SLX4: variants seen among roughly 807,000 people sequenced by gnomAD.
SLX4 encodes the protein SLX4 structure-specific endonuclease subunit, also known as structure-specific endonuclease subunit SLX4.
SLX4 carries 112 observed loss-of-function variants against 146.2 expected under a neutral mutation model. That is an observed-to-expected ratio of 0.77 (90% CI 0.66 to 0.90). SLX4 has a LOEUF of 0.90. SLX4 is among the 40% of genes least tolerant of loss of function. The pLI, the probability that SLX4 is intolerant of heterozygous loss-of-function variation, is 0.00. For synonymous variants in SLX4, 1,061 were observed against 997.7 expected, an observed-to-expected ratio of 1.06 and a Z score of -1.20; for missense variants, 2,563 against 2,392.7, an observed-to-expected ratio of 1.07 and a Z score of -1.49.
chr16:3,607,330 C>G (rs1286145084), intron 2 of SLX4, among the ~76,000 whole-genome samples: 2 of 152,216 alleles, frequency 1.3e-5, no homozygotes, highest in Non-Finnish European at 2.9e-5. Flanking sequence ...ACCTGAGACT[C>G]TACCACCACT....
rs2040568661 is a variant in SLX4, at chr16:3,590,300, C to T, written c.3338G>A (p.Gly1113Glu). The T allele has an allele frequency of 1.2e-6, 2 of 1,614,056 alleles. No homozygotes were observed. Among genetic ancestry groups the T allele is most frequent in the Non-Finnish European group, 8.5e-7 (1 of 1,180,042 alleles). Reference sequence around the variant, plus strand: ...AGATTTTTCTGGGAACATCAGGACCCCCTTATTTCTGCACTCCAGCACGGA... The same window carrying T: ...AGATTTTTCTGGGAACATCAGGACCTCCTTATTTCTGCACTCCAGCACGGA... Reference protein sequence around the residue: ...RRSVLECRNKGVLMFPEKSPS... With the variant: ...RRSVLECRNKEVLMFPEKSPS... The change falls in exon 12 of 15, where the codon GGG becomes GAG. Residue 1113 changes from glycine (G) to glutamate (E), a missense_variant. Gly to Glu is a moderately conservative substitution (Grantham distance 98, BLOSUM62 -2). Coordinates refer to ENST00000294008, the MANE Select transcript of SLX4 (RefSeq NM_032444.4). This position sits in a 1 kb window ranked among gnomAD's most constrained non-coding sequence, Gnocchi z 4.8.
chr16:3,591,056 T>C lies in SLX4; in HGVS notation c.2582A>G (p.Gln861Arg). The C allele has an allele frequency of 6.2e-7, 1 of 1,614,172 alleles. No homozygotes were observed. Among genetic ancestry groups the C allele is most frequent in the African/African-American group, 1.3e-5 (1 of 75,064 alleles). ...MEEIYEFAAT[Q>R]RKLLQEERAA... The stretch of plus-strand genomic sequence containing the variant: ...CCTTTCTTCCTGGAGAAGCTTTCGC[T>C]GAGTAGCTGCAAATTCATAAATTTC... The change falls in exon 12 of 15, where the codon CAG (glutamine) becomes CGG (arginine). Residue 861 changes from glutamine to arginine, a missense_variant. Coordinates refer to ENST00000294008, the MANE Select transcript of SLX4 (RefSeq NM_032444.4).
chr16:3,594,624 C>T (rs374626870), intron 9 of SLX4, 25 bp from the exon 10 acceptor site: 22 of 1,613,624 alleles, frequency 1.4e-5, no homozygotes, highest in South Asian at 8.8e-5. Context: ...GAGGAAGAGC[C>T]GTCACCTCCC....
Position 3,583,153 on chromosome 16 carries a change from A to G in SLX4, c.5097T>C (p.Ser1699=), listed in dbSNP as rs202099433. The change falls in exon 14 of 15, where the codon TCT becomes TCC. Residue 1699 remains serine (S), a synonymous_variant. Coordinates refer to ENST00000294008, the MANE Select transcript of SLX4 (RefSeq NM_032444.4). ...GLNDDAQIPA[S]QESVATSVDG... is the part of the protein sequence containing the mutation. ...CCACAGAGGTGGCCACGGATTCTTG[A>G]GAGGCTGGGATCTGGGCGTCATCAT... 4.3e-6 allele frequency: 7 copies of G among 1,614,212 alleles called. No individual in the cohort carries two copies. The highest frequency in any genetic ancestry group is 5.9e-6 in the Non-Finnish European group (7 of 1,180,038).
intron 12 of SLX4, among the ~76,000 whole-genome samples, chr16:3,586,451 G>A (rs966188510): frequency 1.4e-4 from 22 of 152,080 alleles, no homozygotes; most frequent in Admixed American, 1.4e-3. Context: ...AGCCTGGGAG[G>A]TCGAGGCTAC....
intron 12 of SLX4, 103 bp from the exon 13 acceptor site, chr16:3,584,974 C>T: frequency 2.2e-6 from 2 of 902,426 alleles, no homozygotes; most frequent in Non-Finnish European, 3.7e-6. Context: ...TTGAAGATAA[C>T]CCAAGCATCG....
Position 3,597,557 on chromosome 16 carries a change from G to T in SLX4, c.1505C>A (p.Pro502Gln). ...CTTTAAAATCCTGCTGGCAGGAAGT[G>T]GTGGCGTGCTAGACAATTCCACTTC... ...SEEVELSSTP[P>Q]LPASRILKEG... The change falls in exon 7 of 15, where the codon CCA (proline) becomes CAA (glutamine). Residue 502 changes from proline to glutamine, a missense_variant. By Grantham distance (76) the Pro-to-Gln change is moderately conservative. Transcript: ENST00000294008. This position sits in a 1 kb window ranked among gnomAD's most constrained non-coding sequence, Gnocchi z 4.4. 6.2e-7 allele frequency: 1 copy of T among 1,614,172 alleles called. No homozygotes were observed. The highest frequency in any genetic ancestry group is 8.5e-7 in the Non-Finnish European group (1 of 1,180,044).
Position 3,592,871 on chromosome 16 carries a change from G to A in SLX4, c.2161-6C>T. On this transcript the variant is annotated splice_polypyrimidine_tract_variant and splice_region_variant and intron_variant, in intron 10 of 14. Coordinates refer to ENST00000294008, the MANE Select transcript of SLX4 (RefSeq NM_032444.4). ...GAGAAGCCTTCATTGTTCACCTGCA[G>A]GTGAAATGCAACACAGAGGGTTTAC... The A allele has an allele frequency of 1.2e-6, 2 of 1,608,700 alleles. No homozygotes were observed. The highest frequency in any genetic ancestry group is 1.1e-5 in the South Asian group (1 of 90,846).
intron 14 of SLX4, 81 bp from the exon 15 acceptor site, chr16:3,582,774 G>C: frequency 2.3e-6 from 3 of 1,276,788 alleles, no homozygotes; most frequent in East Asian, 2.5e-5. Context: ...AAGGAAGGAA[G>C]GTGTCTACGG....
chr16:3,582,420 G>C lies in SLX4; in HGVS notation c.5427C>G (p.Thr1809=), dbSNP rs999815509. 2 of 1,613,916 alleles carry C rather than the reference G, an allele frequency of 1.2e-6. No homozygotes were observed. The highest frequency in any genetic ancestry group is 2.2e-5 in the South Asian group (2 of 91,092). ...GCTTCTCCCTGCGGGTGGCGGCAGT[G>C]GTGAAGGTGATACAGTGGGTGTCCA... is the stretch of plus-strand genomic sequence containing the variant. The part of the protein sequence containing the change: ...DFLDTHCITF[T]TAATRREKLQ... Residue 1809 remains threonine, a synonymous_variant, in exon 15 of 15, where the codon ACC becomes ACG. Transcript: ENST00000294008.
intron 10 of SLX4, 126 bp downstream of exon 10, chr16:3,594,327 G>A (rs1215397024): frequency 1.5e-6 from 2 of 1,312,364 alleles, no homozygotes; most frequent in African/African-American, 1.5e-5. Flanking sequence ...ACATGGTGGG[G>A]CAGGAAGTGA....
Position 3,589,895 on chromosome 16 carries a change from G to A in SLX4, c.3743C>T (p.Ala1248Val), listed in dbSNP as rs201294529. 1 of 1,613,750 alleles carries A rather than the reference G, an allele frequency of 6.2e-7. No individual in the cohort carries two copies. The highest frequency in any genetic ancestry group is 1.3e-5 in the African/African-American group (1 of 74,984). Residue 1248 changes from alanine (A) to valine (V), a missense_variant, in exon 12 of 15, where the codon GCC (alanine) becomes GTC (valine). Coordinates refer to ENST00000294008, the MANE Select transcript of SLX4 (RefSeq NM_032444.4). The surrounding 1 kb of genome is among the most constrained non-coding windows in gnomAD (Gnocchi z 6.2). ...FCDRESSPSE[A>V]STTDTSWLVP... Reference sequence around the variant, plus strand: ...CAGCCACGAGGTGTCTGTGGTGCTGGCCTCGCTGGGGCTGCTCTCACGGTC... The same window carrying A: ...CAGCCACGAGGTGTCTGTGGTGCTGACCTCGCTGGGGCTGCTCTCACGGTC...
At chr16:3,584,144 C>T (rs1413250608) in intron 13 of SLX4, among the ~76,000 whole-genome samples, 4 of 152,166 alleles carry the variant, frequency 2.6e-5, no homozygotes, top group Admixed American at 1.3e-4. Flanking sequence ...AGGCCTCCGC[C>T]GGGCACAGTG....
intron 12 of SLX4, among the ~76,000 whole-genome samples, chr16:3,587,752 C>G (rs1398777097): frequency 6.6e-6 from 1 of 152,242 alleles, no homozygotes; most frequent in Non-Finnish European, 1.5e-5. Context: ...ATAAGAAGCT[C>G]TCCAGGTGTT....
At chr16:3,602,821 C>A (rs747155781) in intron 3 of SLX4, among the ~76,000 whole-genome samples, 3 of 152,148 alleles carry the variant, frequency 2.0e-5, no homozygotes, top group African/African-American at 7.2e-5. Context: ...ATGCCTTTGG[C>A]GTTTAAAAGG....
chr16:3,583,290 G>A lies in SLX4; in HGVS notation c.4960C>T (p.His1654Tyr), dbSNP rs2151116711. ...QQEATTGPGA[H>Y]RPKGPAKTKG... ...GTCTTAGCAGGTCCCTTGGGCCTAT[G>A]GGCCCCAGGTCCTGTGGTGGCCTCC... The change falls in exon 14 of 15, where the codon CAT (histidine) becomes TAT (tyrosine). Residue 1654 changes from histidine to tyrosine, a missense_variant. By Grantham distance (83) the His-to-Tyr change is moderately conservative (BLOSUM62 2). Transcript: ENST00000294008. 17 of 1,614,176 alleles carry A rather than the reference G, an allele frequency of 1.1e-5. No homozygotes were observed. Among genetic ancestry groups the A allele is most frequent in the Non-Finnish European group, 1.4e-5 (17 of 1,180,018 alleles).
rs376261173 is a variant in SLX4, at chr16:3,592,800, G to A, written c.2226C>T (p.Asp742=). 7.9e-5 allele frequency: 127 copies of A among 1,612,416 alleles called. 1 individual carries two copies. The highest frequency in any genetic ancestry group is 1.5e-4 in the African/African-American group (11 of 74,858). The change falls in exon 11 of 15, where the codon GAC becomes GAT. Residue 742 remains aspartate (D), a synonymous_variant. Transcript: ENST00000294008. ...GVLTQRVLLG[D]VSTEAARTFL... ...ACGTGCGGGCGGCCTCGGTGCTCAC[G>A]TCACCCAGCAGGACACGCTGGGTCA...
Position 3,589,922 on chromosome 16 carries a change from C to T in SLX4, c.3716G>A (p.Cys1239Tyr). The change falls in exon 12 of 15, where the codon TGT becomes TAT. Residue 1239 changes from cysteine (C) to tyrosine (Y), a missense_variant. Cys to Tyr is a radical substitution (Grantham distance 194). Coordinates refer to ENST00000294008, the MANE Select transcript of SLX4 (RefSeq NM_032444.4). The surrounding 1 kb of genome is among the most constrained non-coding windows in gnomAD (Gnocchi z 6.2). ...LGRRGAPWLF[C>Y]DRESSPSEAS... is the part of the protein sequence containing the mutation. ...CTCGCTGGGGCTGCTCTCACGGTCA[C>T]AGAACAGCCAGGGAGCCCCTCTCCT... 1.9e-6 allele frequency: 3 copies of T among 1,613,856 alleles called. No individual in the cohort carries two copies. The highest frequency in any genetic ancestry group is 2.5e-6 in the Non-Finnish European group (3 of 1,179,992).
In SLX4 at chr16:3,592,787, C is replaced by T. The variant is rs1596523949; in HGVS notation, c.2239G>A (p.Ala747Thr). ...RVLLGDVSTE[A>T]ARTFLHYLYT... is the part of the protein sequence containing the mutation. ...AGATAGTGCAGGAACGTGCGGGCGG[C>T]CTCGGTGCTCACGTCACCCAGCAGG... The change falls in exon 11 of 15, where the codon GCC becomes ACC. Residue 747 changes from alanine (A) to threonine (T), a missense_variant. Coordinates refer to ENST00000294008, the MANE Select transcript of SLX4 (RefSeq NM_032444.4). 2 of 1,612,498 alleles carry T rather than the reference C, an allele frequency of 1.2e-6. No homozygotes were observed. The highest frequency in any genetic ancestry group is 1.3e-5 in the African/African-American group (1 of 74,858).
Sources: gnomAD v4.1 joint callset for allele counts (sites outside exome capture counted in the v4.1 genomes callset) on GRCh38, gnomAD v4.1.1 for gene constraint, Gnocchi (gnomAD v3.1) non-coding constraint, MANE v1.5 for transcripts, NCBI Gene and HGNC (gene_info 2026-07-23, HGNC 2026-07-21) for gene names.